Variants in EFCAB6 observed in about 807,000 individuals in gnomAD.
EFCAB6 encodes the protein EF-hand calcium binding domain 6, also known as EF-hand calcium-binding domain-containing protein 6.
In EFCAB6, 156 loss-of-function variants were observed where a neutral mutation model predicts 169.8. The ratio of observed to expected loss-of-function variants is 0.92; its 90% CI spans 0.81 to 1.05. The LOEUF is 1.05. EFCAB6 is among the 50% of genes least tolerant of loss of function. EFCAB6 has a pLI of 0.00. For synonymous variants in EFCAB6, 698 were observed against 676.4 expected, an observed-to-expected ratio of 1.03 and a Z score of -0.50; for missense variants, 1,800 against 1,829.1, an observed-to-expected ratio of 0.98 and a Z score of 0.29.
chr22:43,737,260 C>A (rs2060174995), intron 6 of EFCAB6, among the ~76,000 whole-genome samples: 1 of 152,048 alleles, frequency 6.6e-6, no homozygotes, highest in Admixed American at 6.6e-5. Context: ...ACATGGTCCA[C>A]CCCATACATC....
intron 2 of EFCAB6, among the ~76,000 whole-genome samples, chr22:43,786,197 T>G (rs1221774763): frequency 1.3e-5 from 2 of 151,988 alleles, no homozygotes; most frequent in Non-Finnish European, 2.9e-5. Flanking sequence ...ACCCCGTTTC[T>G]ACTAAAAATA....
At chr22:43,784,664 C>T (rs1227016446) in intron 2 of EFCAB6, among the ~76,000 whole-genome samples, 16 of 69,132 alleles carry the variant, frequency 2.3e-4, no homozygotes, top group Non-Finnish European at 3.3e-4. Context: ...TGTATATATA[C>T]ATATACATAT....
intron 24 of EFCAB6, among the ~76,000 whole-genome samples, chr22:43,583,788 C>G (rs1375920737): frequency 6.6e-6 from 1 of 152,120 alleles, no homozygotes; most frequent in Non-Finnish European, 1.5e-5. Flanking sequence ...TCTGCTGGTA[C>G]CTCAATTCTG....
In EFCAB6 at chr22:43,628,514, C is replaced by A. The variant is rs375195023; in HGVS notation, c.2233-1835G>T. ...CTTACAGCTGACGTCATGCATGAGG[C>A]GCCTCTGCTCAACCCCCTTGACTCT... is the stretch of plus-strand genomic sequence containing the variant. On this transcript the variant is annotated intron_variant, in intron 19 of 31. Coordinates refer to ENST00000262726, the MANE Select transcript of EFCAB6 (RefSeq NM_022785.4). The surrounding 1 kb of genome is among the most constrained non-coding windows in gnomAD (Gnocchi z 4.8). Among the ~76,000 whole-genome samples, 3 of 152,290 alleles carry A rather than the reference C, an allele frequency of 2.0e-5. No individual in the cohort carries two copies. The highest frequency in any genetic ancestry group is 7.2e-5 in the African/African-American group (3 of 41,556).
intron 25 of EFCAB6, among the ~76,000 whole-genome samples, chr22:43,579,217 T>G (rs1026597459): frequency 6.6e-6 from 1 of 150,400 alleles, no homozygotes; most frequent in Admixed American, 6.6e-5. Flanking sequence ...CAGGCATCAT[T>G]CCCTACATGC....
At chr22:43,730,526 C>A (rs2059911191) in intron 8 of EFCAB6, among the ~76,000 whole-genome samples, 1 of 151,868 alleles carries the variant, frequency 6.6e-6, no homozygotes, top group South Asian at 2.1e-4. Flanking sequence ...AATTTCTATT[C>A]TTCTGATACA....
chr22:43,626,423 C>T (rs1369519020), intron 20 of EFCAB6, 24 bp downstream of exon 20: 2 of 1,609,090 alleles, frequency 1.2e-6, no homozygotes, highest in South Asian at 1.1e-5. Context: ...ATATTAAAGA[C>T]ACAGACCCGT....
At chr22:43,764,927 A>G (rs977382701) in intron 5 of EFCAB6, among the ~76,000 whole-genome samples, 2 of 52 alleles carry the variant, frequency 0.038, no homozygotes, top group Non-Finnish European at 0.053. Flanking sequence ...ATCACTTTCC[A>G]ATAACAACAT....
Position 43,537,601 on chromosome 22 carries a change from T to G in EFCAB6, c.3880-56A>C. 6.4e-7 allele frequency: 1 copy of G among 1,551,552 alleles called. No homozygotes were observed. The highest frequency in any genetic ancestry group is 8.7e-7 in the Non-Finnish European group (1 of 1,146,218). On this transcript the variant is annotated intron_variant, in intron 28 of 31. Transcript: ENST00000262726. The surrounding 1 kb of genome is among the most constrained non-coding windows in gnomAD (Gnocchi z 4.3). ...CACTTAAGATTTAAAACGGAAGTCATCAAAAATACCTCAATACCTCCAGTT... is the reference window on the plus strand; with the variant it reads ...CACTTAAGATTTAAAACGGAAGTCAGCAAAAATACCTCAATACCTCCAGTT...
intron 10 of EFCAB6, among the ~76,000 whole-genome samples, chr22:43,695,217 T>C (rs2058531629): frequency 6.6e-6 from 1 of 151,972 alleles, no homozygotes; most frequent in Non-Finnish European, 1.5e-5. Flanking sequence ...CCATAAATCG[T>C]TGGAAAATGA....
At chr22:43,613,150 ATATATAAATATTT>A (rs2053440662) in intron 21 of EFCAB6, among the ~76,000 whole-genome samples, 1 of 147,936 alleles carries the variant, frequency 6.8e-6, no homozygotes, top group Admixed American at 6.8e-5. Context: ...TATAAATATC[ATATATAAATATTT>A]TATATAATTT....
intron 17 of EFCAB6, among the ~76,000 whole-genome samples, chr22:43,641,949 T>G (rs1480096461): frequency 6.6e-6 from 1 of 150,786 alleles, no homozygotes; most frequent in Non-Finnish European, 1.5e-5. Flanking sequence ...GGAGACTGGC[T>G]TTTTTTTTGA....
chr22:43,730,403 A>G (rs1278132887), intron 8 of EFCAB6, among the ~76,000 whole-genome samples: 2 of 150,612 alleles, frequency 1.3e-5, no homozygotes, highest in African/African-American at 4.9e-5. Flanking sequence ...ACTAAGTACC[A>G]GAGGGCAATG....
intron 4 of EFCAB6, among the ~76,000 whole-genome samples, chr22:43,765,702 T>C (rs1203633641): frequency 6.6e-6 from 1 of 152,194 alleles, no homozygotes; most frequent in East Asian, 1.9e-4. Context: ...TATACTCTAA[T>C]ATGTGTTACA....
intron 9 of EFCAB6, 35 bp downstream of exon 9, chr22:43,716,813 T>G: frequency 1.3e-6 from 2 of 1,584,648 alleles, no homozygotes; most frequent in Non-Finnish European, 1.7e-6. Flanking sequence ...CTGTGTTTAC[T>G]CTGTAGGTAA....
Position 43,755,841 on chromosome 22 carries a change from TAAAA to T in EFCAB6, c.441-13_441-10del, listed in dbSNP as rs374847284. 8.7e-5 allele frequency: 131 copies of T among 1,508,136 alleles called. No homozygotes were observed. The highest frequency in any genetic ancestry group is 3.1e-5 in the Non-Finnish European group (35 of 1,116,512). 93.4% of individuals were successfully genotyped at this position (1,508,136 alleles called of 1,614,324 possible). On this transcript the variant is annotated splice_polypyrimidine_tract_variant and intron_variant, in intron 5 of 31. Coordinates refer to ENST00000262726, the MANE Select transcript of EFCAB6 (RefSeq NM_022785.4). ...TTTCATTCCCACCTCCCCTTAGAAA[TAAAA>T]AAAAAATCTTTATTAAAACATTTTA...
intron 7 of EFCAB6, among the ~76,000 whole-genome samples, chr22:43,734,550 T>G (rs1041858303): frequency 1.3e-5 from 2 of 152,202 alleles, no homozygotes; most frequent in African/African-American, 4.8e-5. Flanking sequence ...TATTGTCAAA[T>G]AAAACACTGT....
chr22:43,564,168 C>G (rs534227499), intron 26 of EFCAB6, among the ~76,000 whole-genome samples: 92 of 152,278 alleles, frequency 6.0e-4, no homozygotes, highest in African/African-American at 2.2e-3. Context: ...GAGCTGTTGG[C>G]CAGGCACGGT....
intron 15 of EFCAB6, among the ~76,000 whole-genome samples, chr22:43,669,695 G>A (rs2057405636): frequency 6.6e-6 from 1 of 152,140 alleles, no homozygotes; most frequent in Admixed American, 6.5e-5. Flanking sequence ...TCATCATATT[G>A]TATCATTTAA....
Sources: gnomAD v4.1 joint callset for allele counts (sites outside exome capture counted in the v4.1 genomes callset) on GRCh38, gnomAD v4.1.1 for gene constraint, Gnocchi (gnomAD v3.1) non-coding constraint, MANE v1.5 for transcripts, NCBI Gene and HGNC (gene_info 2026-07-23, HGNC 2026-07-21) for gene names.